The following SLC38A6 variants were observed in gnomAD, a reference collection of about 807,000 sequenced individuals.
SLC38A6 encodes the protein solute carrier family 38 member 6, also known as N system amino acid transporter NAT-1.
In SLC38A6, 73 loss-of-function variants were observed where a neutral mutation model predicts 65.0. That is an observed-to-expected ratio of 1.12 (90% CI 0.93 to 1.37). SLC38A6 has a LOEUF of 1.37. SLC38A6 is among the 40% of genes most tolerant of loss of function. The probability of loss-of-function intolerance (pLI) is 0.00; values close to 1 mark genes in which losing one functional copy is unlikely to be tolerated. For missense variants in SLC38A6, 561 were observed against 531.1 expected, an observed-to-expected ratio of 1.06 and a Z score of -0.55; for synonymous variants, 183 against 178.8, an observed-to-expected ratio of 1.02 and a Z score of -0.19.
rs1594939977 is a variant in SLC38A6 at position 60,982,640 on chromosome 14, T to G, written c.236+2T>G. 1 of 1,602,330 alleles carries G rather than the reference T, an allele frequency of 6.2e-7. No individual in the cohort carries two copies. The highest frequency in any genetic ancestry group is 1.1e-5 in the South Asian group (1 of 87,964). On this transcript the variant is annotated splice_donor_variant, in intron 2 of 15. Transcript: ENST00000267488. LOFTEE classifies it high-confidence loss of function. ...TAATACCGGTGTCTTTGGATTTAGG[T>G]GAGTCTTCATATTTTAGCATCAAAT... is the stretch of plus-strand genomic sequence containing the variant.
chr14:61,079,894 C>T (rs970912599), intron 16 of SLC38A6, among the ~76,000 whole-genome samples: 1 of 152,152 alleles, frequency 6.6e-6, no homozygotes, highest in Non-Finnish European at 1.5e-5. Context: ...GGAGTTTCAC[C>T]TGTCTTTGGC....
chr14:61,080,964 T>A (rs1349627201), intron 16 of SLC38A6, among the ~76,000 whole-genome samples: 1 of 152,338 alleles, frequency 6.6e-6, no homozygotes, highest in South Asian at 2.1e-4. Flanking sequence ...TTGTTGAGTC[T>A]TTACAACACT....
intron 3 of SLC38A6, among the ~76,000 whole-genome samples, chr14:61,003,290 T>C (rs2038834788): frequency 6.6e-6 from 1 of 152,146 alleles, no homozygotes; most frequent in Non-Finnish European, 1.5e-5. Flanking sequence ...TGTATTTTTT[T>C]CACCTAAAAT....
rs193285972 is a variant in SLC38A6, at chr14:61,072,415, G to A, written c.1291-6395G>A. Among the ~76,000 whole-genome samples, 137 of 152,152 alleles carry A rather than the reference G, an allele frequency of 9.0e-4. 1 individual carries two copies. Among genetic ancestry groups the A allele is most frequent in the East Asian group, 5.0e-3 (26 of 5,180 alleles). On this transcript the variant is annotated intron_variant, in intron 15 of 16. Coordinates refer to the SLC38A6 transcript ENST00000354886. ...TATACTTAGTTATTTTTAAATGTGC[G>A]ATTAAGTAATTATTGACTATAGTCA...
chr14:61,014,755 A>G (rs1168428540), intron 3 of SLC38A6, among the ~76,000 whole-genome samples: 1 of 152,176 alleles, frequency 6.6e-6, no homozygotes, highest in East Asian at 1.9e-4. Flanking sequence ...GTTTTGTCTC[A>G]GAGGAGTACC....
chr14:61,064,572 A>T (rs1264143096), intron 15 of SLC38A6, among the ~76,000 whole-genome samples: 1 of 147,818 alleles, frequency 6.8e-6, no homozygotes, highest in Admixed American at 6.8e-5. Context: ...TGCCTTATCT[A>T]GTTGCCTGTT....
chr14:61,013,878 C>T (rs991809091), intron 3 of SLC38A6, among the ~76,000 whole-genome samples: 1 of 152,076 alleles, frequency 6.6e-6, no homozygotes, highest in African/African-American at 2.4e-5. Flanking sequence ...TTGCTCTTCT[C>T]GTGGAGTATG....
chr14:61,014,569 A>T (rs1332742841), intron 3 of SLC38A6, among the ~76,000 whole-genome samples: 2 of 152,026 alleles, frequency 1.3e-5, no homozygotes, highest in Non-Finnish European at 1.5e-5. Flanking sequence ...TTTGGTGTGG[A>T]TGTCCTTTCT....
intron 6 of SLC38A6, 91 bp downstream of exon 6, chr14:61,030,614 T>A: frequency 1.2e-6 from 1 of 855,550 alleles, no homozygotes; most frequent in Non-Finnish European, 1.9e-6. Flanking sequence ...TAGTGGCAGG[T>A]AAAATAAATG....
intron 15 of SLC38A6, among the ~76,000 whole-genome samples, chr14:61,061,266 C>G (rs1431190710): frequency 6.6e-6 from 1 of 152,184 alleles, no homozygotes; most frequent in African/African-American, 2.4e-5. Context: ...GTTGAACCAA[C>G]CTTGCATCCC....
chr14:61,022,482 T>C (rs1361402418), intron 5 of SLC38A6, among the ~76,000 whole-genome samples: 4 of 148,768 alleles, frequency 2.7e-5, no homozygotes, highest in Admixed American at 6.7e-5. Context: ...TATATATATA[T>C]ACAGTTTTAT....
At chr14:61,074,098 G>A (rs72723951) in intron 15 of SLC38A6, among the ~76,000 whole-genome samples, 3,571 of 152,248 alleles carry the variant, frequency 0.023, 60 homozygotes, top group Non-Finnish European at 0.038. Context: ...TAGGCTATTA[G>A]CAGTTAAGTT....
chr14:61,032,672 T>C (rs2041081381), intron 6 of SLC38A6, among the ~76,000 whole-genome samples: 1 of 151,882 alleles, frequency 6.6e-6, no homozygotes, highest in African/African-American at 2.4e-5. Context: ...TTTGGCTAAT[T>C]ATATTAACTT....
chr14:61,064,602 G>C (rs1310536838), intron 15 of SLC38A6, among the ~76,000 whole-genome samples: 2 of 147,808 alleles, frequency 1.4e-5, no homozygotes, highest in Non-Finnish European at 3.0e-5. Context: ...AACTTTCTCT[G>C]TGCATTTAGA....
At chr14:61,005,309 A>G (rs542506235) in intron 3 of SLC38A6, among the ~76,000 whole-genome samples, 1 of 99,162 alleles carries the variant, frequency 1.0e-5, no homozygotes, top group Non-Finnish European at 2.5e-5. Context: ...CCTATTCAAC[A>G]TAGTGTTGGA....
intron 3 of SLC38A6, chr14:60,987,313 A>G (rs1398176835): frequency 6.5e-6 from 1 of 152,776 alleles, no homozygotes; most frequent in East Asian, 1.9e-4. Context: ...AAGAGCTATC[A>G]TGAGTTTTTA....
At chr14:61,077,903 G>C (rs1297615580) in intron 15 of SLC38A6, among the ~76,000 whole-genome samples, 3 of 152,178 alleles carry the variant, frequency 2.0e-5, no homozygotes, top group African/African-American at 7.2e-5. Context: ...GAGCCCTACT[G>C]TAGCAATCTA....
At chr14:61,014,722 G>A (rs2039861083) in intron 3 of SLC38A6, among the ~76,000 whole-genome samples, 1 of 152,180 alleles carries the variant, frequency 6.6e-6, no homozygotes, top group Admixed American at 6.5e-5. Context: ...AGCAAATGTT[G>A]CTGCCTGATC....
At chr14:61,023,860 A>G (rs892759157) in intron 5 of SLC38A6, among the ~76,000 whole-genome samples, 3 of 152,086 alleles carry the variant, frequency 2.0e-5, no homozygotes, top group African/African-American at 7.2e-5. Context: ...CCACATTTCC[A>G]TATTCCATAA....
Sources: allele counts gnomAD v4.1 joint callset (sites outside exome capture counted in the v4.1 genomes callset), GRCh38; gene constraint gnomAD v4.1.1; transcripts MANE v1.5; gene names NCBI Gene and HGNC (gene_info 2026-07-23, HGNC 2026-07-21).